CRTC3: variants seen among roughly 807,000 people sequenced by gnomAD.
CRTC3 encodes CREB-regulated transcription coactivator 3.
In CRTC3, 26 loss-of-function variants were observed where a neutral mutation model predicts 74.5. The ratio of observed to expected loss-of-function variants is 0.35; its 90% CI spans 0.26 to 0.48. The LOEUF is 0.48. Among genes scored for constraint, CRTC3 ranks in the 20% least tolerant of loss-of-function variants. The probability of loss-of-function intolerance (pLI) is 0.99; values close to 1 mark genes in which losing one functional copy is unlikely to be tolerated. For missense variants in CRTC3, 760 were observed against 787.3 expected (o/e 0.97, Z 0.41); for synonymous variants, 377 against 325.8 (o/e 1.16, Z -1.69).
At chr15:90,584,995 A>G (rs1006490234) in intron 2 of CRTC3, among the ~76,000 whole-genome samples, 1 of 152,228 alleles carries the variant, frequency 6.6e-6, no homozygotes, top group African/African-American at 2.4e-5. Flanking sequence ...ACTCCAAATG[A>G]GACTACTGGA....
chr15:90,634,668 G>A (rs996036437), intron 11 of CRTC3: 7 of 582,690 alleles, frequency 1.2e-5, no homozygotes, highest in Non-Finnish European at 1.9e-5. Context: ...ACACTGAGGG[G>A]CTGTCTCCTT....
chr15:90,641,794 C>T, intron 14 of CRTC3, 138 bp from the exon 15 acceptor site: 1 of 684,444 alleles, frequency 1.5e-6, no homozygotes, highest in Non-Finnish European at 2.6e-6. Flanking sequence ...GATTCCAGGG[C>T]AAGAACTGTG....
chr15:90,592,574 A>G (rs1456814385), intron 2 of CRTC3, among the ~76,000 whole-genome samples: 3 of 152,204 alleles, frequency 2.0e-5, no homozygotes, highest in African/African-American at 7.2e-5. Context: ...ATCTCTTTAA[A>G]AAGGATTTTG....
At chr15:90,596,692 G>A (rs541435447) in intron 3 of CRTC3, among the ~76,000 whole-genome samples, 2 of 152,296 alleles carry the variant, frequency 1.3e-5, no homozygotes, top group Admixed American at 1.3e-4. Context: ...GAGGAGGAGG[G>A]CTGTGATTCC....
At chr15:90,621,228 A>G (rs1321914791) in intron 9 of CRTC3, among the ~76,000 whole-genome samples, 7 of 152,218 alleles carry the variant, frequency 4.6e-5, no homozygotes, top group African/African-American at 1.7e-4. Context: ...ACCATCAGAT[A>G]ACCTTCAGGC....
chr15:90,638,231 C>G, intron 11 of CRTC3: 1 of 535,228 alleles, frequency 1.9e-6, no homozygotes, highest in South Asian at 2.8e-5. Flanking sequence ...TCTTTTAAGA[C>G]AATAGAACTT....
At chr15:90,595,153 G>C (rs1967889153) in intron 3 of CRTC3, 2 of 152,250 alleles carry the variant, frequency 1.3e-5, no homozygotes, top group Admixed American at 1.3e-4. Flanking sequence ...AAAGGCAAAA[G>C]GAAATGGAGG....
chr15:90,591,404 GC>G (rs1967798174), intron 2 of CRTC3, among the ~76,000 whole-genome samples: 1 of 152,132 alleles, frequency 6.6e-6, no homozygotes, highest in Admixed American at 6.6e-5. Flanking sequence ...CTAGACAGGA[GC>G]CACTGCACCC....
intron 2 of CRTC3, among the ~76,000 whole-genome samples, chr15:90,552,672 G>GT (rs981187479): frequency 1.3e-5 from 2 of 152,128 alleles, no homozygotes; most frequent in Non-Finnish European, 2.9e-5. Context: ...TCTCAGTCTA[G>GT]TTTTTTGTAT....
chr15:90,631,458 G>A (rs936665447), intron 11 of CRTC3, among the ~76,000 whole-genome samples: 3 of 152,066 alleles, frequency 2.0e-5, no homozygotes, highest in African/African-American at 7.2e-5. Flanking sequence ...GGCTGGGTGT[G>A]TGCCTCACAC....
rs1969176142 is a variant in CRTC3, at chr15:90,634,887, G to A, written c.1267-3559G>A. On this transcript the variant is annotated intron_variant, in intron 11 of 14. Coordinates refer to ENST00000268184, the MANE Select transcript of CRTC3 (RefSeq NM_022769.5). ...AGTCACTGTTGGATCGGGTTCTAAA[G>A]GTAAGGCTGGAGAGATTCAACCAGT... 16 of 1,568,812 alleles carry A rather than the reference G, an allele frequency of 1.0e-5. No homozygotes were observed. In the South Asian group the frequency reaches 1.8e-4, roughly 17 times the overall value.
intron 11 of CRTC3, among the ~76,000 whole-genome samples, chr15:90,636,943 T>G (rs1969260060): frequency 6.6e-6 from 1 of 152,170 alleles, no homozygotes; most frequent in Non-Finnish European, 1.5e-5. Context: ...GGAACACTTT[T>G]ACACTGTTGG....
chr15:90,635,607 T>C (rs4932360), intron 11 of CRTC3, among the ~76,000 whole-genome samples: 41,493 of 151,926 alleles, frequency 0.27, 7,122 homozygotes, highest in African/African-American at 0.49. Context: ...GTCATGCCAC[T>C]GCACTCCAGC....
chr15:90,533,558 G>A (rs1468158671), intron 1 of CRTC3, among the ~76,000 whole-genome samples: 1 of 152,110 alleles, frequency 6.6e-6, no homozygotes, highest in Non-Finnish European at 1.5e-5. Flanking sequence ...TGTTTGTGAG[G>A]GAGAAGAGTG....
intron 2 of CRTC3, among the ~76,000 whole-genome samples, chr15:90,553,508 G>T (rs1277030790): frequency 6.6e-6 from 1 of 152,108 alleles, no homozygotes; most frequent in Non-Finnish European, 1.5e-5. Flanking sequence ...AAGACTTATA[G>T]AATGAGAGAG....
At chr15:90,583,052 G>A (rs1967580203) in intron 2 of CRTC3, among the ~76,000 whole-genome samples, 1 of 151,812 alleles carries the variant, frequency 6.6e-6, no homozygotes, top group Non-Finnish European at 1.5e-5. Context: ...TGCCCAGGCT[G>A]GCCTCCTATT....
chr15:90,618,084 T>C lies in CRTC3; in HGVS notation c.699+116T>C. On this transcript the variant is annotated intron_variant, in intron 8 of 14. Transcript: ENST00000268184. ...AACTGGGGGAAAAGGAGAAGATTTGTCTGAGAACAGAGATAAGAATATACA... is the reference window on the plus strand; with the variant it reads ...AACTGGGGGAAAAGGAGAAGATTTGCCTGAGAACAGAGATAAGAATATACA... 6.1e-6 allele frequency: 4 copies of C among 654,688 alleles called. No homozygotes were observed. The South Asian group carries it at 7.3e-5, about 12-fold the overall frequency. 40.6% of individuals were successfully genotyped at this position (654,688 alleles called of 1,614,324 possible). A position where few individuals can be genotyped will look rare whatever the true frequency, so the allele number is the denominator to read the frequency against.
chr15:90,640,072 TAATAA>T (rs1269473813), intron 13 of CRTC3, among the ~76,000 whole-genome samples: 1 of 151,636 alleles, frequency 6.6e-6, no homozygotes, highest in Non-Finnish European at 1.5e-5. Flanking sequence ...AAAATAATAA[TAATAA>T]AATAAATTAA....
chr15:90,627,808 G>A (rs1968892145), intron 10 of CRTC3, among the ~76,000 whole-genome samples: 1 of 126,580 alleles, frequency 7.9e-6, no homozygotes. Context: ...TAGAGACGGG[G>A]TTTCACCTTG....
Sources: gnomAD v4.1 joint callset for allele counts (sites outside exome capture counted in the v4.1 genomes callset) on GRCh38, gnomAD v4.1.1 for gene constraint, MANE v1.5 for transcripts, NCBI Gene and HGNC (gene_info 2026-07-23, HGNC 2026-07-21) for gene names.